The following EFCAB8 variants were observed in gnomAD, a reference collection of about 807,000 sequenced individuals.
EFCAB8 encodes the protein EF-hand calcium-binding domain-containing protein 8.
EFCAB8 carries 100 observed loss-of-function variants against 116.3 expected under a neutral mutation model. That is an observed-to-expected ratio of 0.86 (90% CI 0.73 to 1.02). EFCAB8 has a LOEUF of 1.02. EFCAB8 is among the 50% of genes least tolerant of loss of function. The pLI is 0.00. For synonymous variants in EFCAB8, 558 were observed against 567.9 expected (o/e 0.98, Z 0.25); for missense variants, 1,320 against 1,416.9 (o/e 0.93, Z 1.10).
At position 32,871,339 on chromosome 20, in the gene EFCAB8, T is replaced by A. The variant is rs183842321; in HGVS notation, c.208+3592T>A. ...CCCAGGGTGGAGTGCAGTGGTGTGA[T>A]GATAGTTCACTGAAGCCTCGACCTC... On this transcript the variant is annotated intron_variant, in intron 3 of 26. Coordinates refer to ENST00000400522, the MANE Select transcript of EFCAB8 (RefSeq NM_001143967.2). Among the ~76,000 whole-genome samples the A allele has an allele frequency of 1.5e-4, 23 of 152,010 alleles. No homozygotes were observed. In the East Asian group the frequency reaches 4.5e-3, roughly 29 times the overall value.
intron 3 of EFCAB8, among the ~76,000 whole-genome samples, chr20:32,870,852 T>A (rs1008944987): frequency 1.6e-5 from 2 of 127,038 alleles, no homozygotes; most frequent in African/African-American, 5.0e-5. Flanking sequence ...CATTTCTACT[T>A]CTTCTTCTTT....
rs1986838789 is a variant in EFCAB8 at position 32,909,895 on chromosome 20, CCT to C, written c.1522_1523del (p.Leu508ValfsTer10). On this transcript the variant is annotated frameshift_variant, in exon 15 of 27. Coordinates refer to ENST00000400522, the MANE Select transcript of EFCAB8 (RefSeq NM_001143967.2). LOFTEE classifies it high-confidence loss of function. ...ARKRTTHCSP[L>X]CAVLYSKIFK... ...GGAAGAGGACCACTCATTGCTCACC[CCT>C]GTGTGCTGTCCTCTACAGCAAGATC... The C allele has an allele frequency of 8.0e-7, 1 of 1,249,870 alleles. No individual in the cohort carries two copies. 77.4% of individuals were successfully genotyped at this position (1,249,870 alleles called of 1,614,324 possible). A position where few individuals can be genotyped will look rare whatever the true frequency, so the allele number is the denominator to read the frequency against.
At chr20:32,918,999 A>G (rs922696086) in intron 19 of EFCAB8, among the ~76,000 whole-genome samples, 5 of 152,210 alleles carry the variant, frequency 3.3e-5, no homozygotes, top group African/African-American at 9.6e-5. Flanking sequence ...TGAGACCCAG[A>G]CACAGACAAA....
intron 14 of EFCAB8, 82 bp from the exon 15 acceptor site, chr20:32,909,739 T>C (rs906403293): frequency 1.4e-5 from 9 of 637,246 alleles, no homozygotes; most frequent in African/African-American, 1.3e-4. Flanking sequence ...TCGTGATTTA[T>C]TGGAAGTTTT....
intron 3 of EFCAB8, among the ~76,000 whole-genome samples, chr20:32,871,130 G>C (rs1984663106): frequency 6.6e-6 from 1 of 152,094 alleles, no homozygotes; most frequent in Non-Finnish European, 1.5e-5. Flanking sequence ...GGGATTTCAG[G>C]TGTGAGCCAC....
At chr20:32,882,105 G>A (rs1985368766) in intron 5 of EFCAB8, among the ~76,000 whole-genome samples, 2 of 152,270 alleles carry the variant, frequency 1.3e-5, no homozygotes, top group South Asian at 4.1e-4. Flanking sequence ...GGCTGAGACA[G>A]GAGAATTGCT....
intron 13 of EFCAB8, 69 bp from the exon 14 acceptor site, chr20:32,908,206 C>T (rs1986767221): frequency 9.6e-6 from 12 of 1,243,934 alleles, no homozygotes; most frequent in Non-Finnish European, 9.1e-6. Context: ...GAGGCACCCC[C>T]GAGGCTTCAG....
chr20:32,936,768 T>C (rs1221188412), intron 22 of EFCAB8, among the ~76,000 whole-genome samples: 1 of 152,224 alleles, frequency 6.6e-6, no homozygotes, highest in African/African-American at 2.4e-5. Context: ...TTGTTCTTTT[T>C]GCTCAAGATT....
At chr20:32,952,900 T>C (rs116186291) in intron 23 of EFCAB8, among the ~76,000 whole-genome samples, 291 of 152,332 alleles carry the variant, frequency 1.9e-3, no homozygotes, top group African/African-American at 6.7e-3. Flanking sequence ...TATATTCACA[T>C]TGTTGTGCCA....
Position 32,914,601 on chromosome 20 carries a change from G to A in EFCAB8, c.1856+1737G>A, listed in dbSNP as rs116753585. On this transcript the variant is annotated intron_variant, in intron 17 of 26. Transcript: ENST00000400522. The stretch of plus-strand genomic sequence containing the variant: ...AGGAAACTTACAATCATAGTTAAAG[G>A]TGAAGGGGAAGCAAGGCACATCTTA... 8.9e-3 allele frequency among the ~76,000 whole-genome samples: 1,358 copies of A among 152,324 alleles called. 19 individuals are homozygous for A. Among genetic ancestry groups the A allele is most frequent in the African/African-American group, 0.029 (1,224 of 41,570 alleles).
chr20:32,941,217 G>A (rs1465679668), intron 22 of EFCAB8, among the ~76,000 whole-genome samples: 3 of 147,826 alleles, frequency 2.0e-5, no homozygotes, highest in African/African-American at 5.1e-5. Context: ...ATGCCATTGC[G>A]TTCCAGTCTG....
At chr20:32,928,304 C>G (rs771804546) in intron 20 of EFCAB8, among the ~76,000 whole-genome samples, 3 of 151,420 alleles carry the variant, frequency 2.0e-5, no homozygotes, top group Non-Finnish European at 4.4e-5. Flanking sequence ...GGCACGATCT[C>G]GGCTCACTGC....
intron 6 of EFCAB8, among the ~76,000 whole-genome samples, chr20:32,888,603 A>C (rs1360185079): frequency 6.6e-6 from 1 of 152,034 alleles, no homozygotes; most frequent in Non-Finnish European, 1.5e-5. Flanking sequence ...TGATCCTCCC[A>C]CCTTGGCCTC....
At chr20:32,885,886 G>T (rs1985600416) in intron 6 of EFCAB8, among the ~76,000 whole-genome samples, 3 of 152,192 alleles carry the variant, frequency 2.0e-5, no homozygotes, top group South Asian at 2.1e-4. Flanking sequence ...AAATCCATTA[G>T]CCCAAACAGG....
intron 1 of EFCAB8, 124 bp from the exon 2 acceptor site, chr20:32,863,659 A>G: frequency 1.2e-6 from 1 of 846,212 alleles, no homozygotes; most frequent in Non-Finnish European, 1.8e-6. Flanking sequence ...TCCATGGGCA[A>G]GGGGAAGCCA....
rs768584335 is a variant in EFCAB8 at position 32,959,835 on chromosome 20, G to T, written c.3147G>T (p.Leu1049=). Residue 1049 remains leucine (L), a synonymous_variant, in exon 25 of 27, where the codon CTG becomes CTT. Coordinates refer to ENST00000400522, the MANE Select transcript of EFCAB8 (RefSeq NM_001143967.2). ...LIYQRREQAA[L]MALLHGKADK... ...ACCAGCGGCGAGAGCAGGCGGCGCT[G>T]ATGGCTCTCCTGCATGGGAAGGCAG... 5.8e-6 allele frequency: 9 copies of T among 1,544,902 alleles called. No homozygotes were observed. Among genetic ancestry groups the T allele is most frequent in the African/African-American group, 5.5e-5 (4 of 72,930 alleles).
intron 3 of EFCAB8, among the ~76,000 whole-genome samples, chr20:32,869,697 T>C (rs1403180433): frequency 6.6e-6 from 1 of 152,124 alleles, no homozygotes; most frequent in Non-Finnish European, 1.5e-5. Context: ...AGGCACACAG[T>C]ATGGGGGCTG....
In EFCAB8 at chr20:32,930,460, G is replaced by A; in HGVS notation, c.2475G>A (p.Met825Ile). 1 of 1,551,876 alleles carries A rather than the reference G, an allele frequency of 6.4e-7. No individual in the cohort carries two copies. Among genetic ancestry groups the A allele is most frequent in the Non-Finnish European group, 8.7e-7 (1 of 1,147,032 alleles). Residue 825 changes from methionine to isoleucine, a missense_variant, in exon 21 of 27, where the codon ATG becomes ATA. Met to Ile is a conservative substitution (Grantham distance 10). Coordinates refer to ENST00000400522, the MANE Select transcript of EFCAB8 (RefSeq NM_001143967.2). ...CGGCTGCCCTGCTGAGCAGCTGCAT[G>A]GACGGCTACATCTACGCCTGGTCCC... is the stretch of plus-strand genomic sequence containing the variant. The part of the protein sequence containing the change: ...PHTAALLSSC[M>I]DGYIYAWSLH...
chr20:32,894,912 G>A (rs1475170085), intron 9 of EFCAB8, among the ~76,000 whole-genome samples: 1 of 152,188 alleles, frequency 6.6e-6, no homozygotes, highest in African/African-American at 2.4e-5. Context: ...CCCCACTCTG[G>A]CAGTCTTGGG....
Sources: allele counts gnomAD v4.1 joint callset (sites outside exome capture counted in the v4.1 genomes callset), GRCh38; gene constraint gnomAD v4.1.1; transcripts MANE v1.5; gene names NCBI Gene and HGNC (gene_info 2026-07-23, HGNC 2026-07-21).